The following RACK1 variants were observed in gnomAD, a reference collection of about 807,000 sequenced individuals.
RACK1 encodes small ribosomal subunit protein RACK1.
RACK1 carries 3 observed loss-of-function variants against 42.2 expected under a neutral mutation model. The observed-to-expected ratio is 0.07, with a 90% CI of 0.03 to 0.18. The LOEUF (loss-of-function observed/expected upper bound fraction) is 0.18. RACK1 is among the 10% of genes least tolerant of loss of function. The pLI, the probability that RACK1 is intolerant of heterozygous loss-of-function variation, is 1.00. For missense variants in RACK1, 146 were observed against 403.2 expected (o/e 0.36, Z 5.46); for synonymous variants, 181 against 154.8 (o/e 1.17, Z -1.25).
intron 1 of RACK1, chr5:181,243,282 C>A (rs769729685): frequency 1.5e-6 from 2 of 1,356,612 alleles, no homozygotes; most frequent in Non-Finnish European, 2.0e-6. Context: ...TGGAGTCCAC[C>A]TGCCTCCCCA....
chr5:181,240,702 T>TA lies in RACK1; in HGVS notation c.429+789dup, dbSNP rs200354050. 9.4e-3 allele frequency among the ~76,000 whole-genome samples: 1,350 copies of TA among 144,278 alleles called. 25 individuals are homozygous for TA. Among genetic ancestry groups the TA allele is most frequent in the African/African-American group, 0.034 (1,294 of 38,422 alleles). The allele number at this position is 144,278 out of a possible 152,430, so 94.7% of individuals were successfully genotyped here. A position where few individuals can be genotyped will look rare whatever the true frequency, so the allele number is the denominator to read the frequency against. ...CATCTCAAAAAAGAAAAAAAATAAA[T>TA]AAAATTTTGTTTAAATAGATGGGGT... On this transcript the variant is annotated intron_variant, in intron 3 of 7. Transcript: ENST00000512805.
At chr5:181,238,996 G>A in intron 5 of RACK1, 71 bp downstream of exon 5, 1 of 960,566 alleles carries the variant, frequency 1.0e-6, no homozygotes, top group Non-Finnish European at 1.7e-6. Flanking sequence ...TTTTACGTTA[G>A]AGACGCTGGC....
rs1759364654 is a variant in RACK1 at position 181,242,014 on chromosome 5, CTTAT to C, written c.281+156_281+159del. On this transcript the variant is annotated intron_variant, in intron 2 of 7. Coordinates refer to ENST00000512805, the MANE Select transcript of RACK1 (RefSeq NM_006098.5). ...CACACTCCTCAGCAATGCTGAGTAA[CTTAT>C]TTAAAGTGAGGGAGGCCAAACATCT... is the stretch of plus-strand genomic sequence containing the variant. The C allele has an allele frequency of 7.5e-6, 6 of 796,006 alleles. No individual in the cohort carries two copies. In the Admixed American group the frequency reaches 8.9e-5, roughly 12 times the overall value. 49.3% of individuals were successfully genotyped at this position (796,006 alleles called of 1,614,324 possible).
chr5:181,242,149 C>T, intron 2 of RACK1, 25 bp downstream of exon 2: 1 of 1,599,346 alleles, frequency 6.3e-7, no homozygotes, highest in East Asian at 2.2e-5. Context: ...CCCAAGGCCC[C>T]AGAGCTAAGT....
At chr5:181,241,827 T>C (rs1269377094) in intron 2 of RACK1, 188 bp from the exon 3 acceptor site, 2 of 791,726 alleles carry the variant, frequency 2.5e-6, no homozygotes, top group Non-Finnish European at 2.3e-6. Flanking sequence ...CCCTTCAGAA[T>C]TGCAGGACAT....
At chr5:181,242,562 C>CTTT (rs747756072) in intron 1 of RACK1, 7 of 595,284 alleles carry the variant, frequency 1.2e-5, no homozygotes, top group East Asian at 1.0e-4. Context: ...ACCCTGATAA[C>CTTT]TTTTTTTTTT....
At chr5:181,238,893 A>G (rs1010289910) in intron 5 of RACK1, 174 bp downstream of exon 5, 16 of 694,900 alleles carry the variant, frequency 2.3e-5, no homozygotes, top group Non-Finnish European at 4.2e-5. Flanking sequence ...GTATGCCTTA[A>G]CTGTCATTTG....
rs1759448546 is a variant in RACK1, at chr5:181,243,812, G to C, written c.-12C>G. 1 of 1,595,630 alleles carries C rather than the reference G, an allele frequency of 6.3e-7. No homozygotes were observed. The highest frequency in any genetic ancestry group is 8.5e-7 in the Non-Finnish European group (1 of 1,171,176). ...ATCTGCTCAGTCATGGCGGCGGCGA[G>C]AGCGTGTGTCGCTGCAGCGACGAGG... On this transcript the variant is annotated 5_prime_UTR_variant, in exon 1 of 8. Transcript: ENST00000512805.
At chr5:181,239,729 A>C in intron 3 of RACK1, 147 bp from the exon 4 acceptor site, 1 of 573,602 alleles carries the variant, frequency 1.7e-6, no homozygotes, top group Non-Finnish European at 3.1e-6. Context: ...GAATCCCTTT[A>C]GATTCCAGAC....
chr5:181,242,698 C>G, intron 1 of RACK1: 1 of 362,070 alleles, frequency 2.8e-6, no homozygotes, highest in Non-Finnish European at 5.4e-6. Context: ...GCTGGGATTA[C>G]TTGGCCAGCT....
intron 6 of RACK1, 24 bp from the exon 7 acceptor site, chr5:181,237,743 CT>C (rs748720438): frequency 8.2e-7 from 1 of 1,213,564 alleles, no homozygotes; most frequent in Non-Finnish European, 1.2e-6. Context: ...CAAAAGCAAC[CT>C]TAAGACTTAC....
intron 1 of RACK1, 176 bp downstream of exon 1, chr5:181,243,516 G>T: frequency 7.1e-7 from 1 of 1,413,856 alleles, no homozygotes; most frequent in Non-Finnish European, 9.5e-7. Flanking sequence ...GTTCGCCCGG[G>T]TTGAGGCCTA....
At chr5:181,238,541 A>G (rs1034537563) in intron 5 of RACK1, 1 of 361,106 alleles carries the variant, frequency 2.8e-6, no homozygotes. Flanking sequence ...GCGGTGGCTC[A>G]TGCCTGTAAT....
intron 1 of RACK1, chr5:181,243,438 G>A (rs1249874630): frequency 6.6e-7 from 1 of 1,506,092 alleles, no homozygotes; most frequent in East Asian, 2.6e-5. Flanking sequence ...TATTTTAAAA[G>A]TTTCCAACTC....
At chr5:181,243,094 C>T in intron 1 of RACK1, 1 of 413,600 alleles carries the variant, frequency 2.4e-6, no homozygotes, top group Non-Finnish European at 4.4e-6. Context: ...AAACCTGTCC[C>T]ACTCAACAAA....
At position 181,242,501 on chromosome 5, in the gene RACK1, A is replaced by C. The variant is rs1040510600; in HGVS notation, c.110-156T>G. 4.4e-6 allele frequency: 3 copies of C among 676,520 alleles called. No individual in the cohort carries two copies. In the East Asian group the frequency reaches 8.1e-5, roughly 18 times the overall value. The allele number at this position is 676,520 out of a possible 1,614,324, so 41.9% of individuals were successfully genotyped here. On this transcript the variant is annotated intron_variant, in intron 1 of 7. Coordinates refer to ENST00000512805, the MANE Select transcript of RACK1 (RefSeq NM_006098.5). ...CAACAGACAAGAGCAGTTACAGACC[A>C]GGACTGAGTGGCTCTATTCCAGACT...
intron 3 of RACK1, 140 bp downstream of exon 3, chr5:181,241,352 C>G: frequency 4.2e-6 from 3 of 708,734 alleles, no homozygotes; most frequent in Non-Finnish European, 7.1e-6. Context: ...ATCCCTTGAG[C>G]CCGGGAGGCA....
intron 1 of RACK1, chr5:181,243,426 G>T (rs752032516): frequency 8.0e-6 from 12 of 1,506,422 alleles, no homozygotes; most frequent in Non-Finnish European, 7.1e-6. Flanking sequence ...GAAGGCAAAA[G>T]ATATTTTAAA....
At chr5:181,242,130 C>T in intron 2 of RACK1, 44 bp downstream of exon 2, 1 of 1,562,838 alleles carries the variant, frequency 6.4e-7, no homozygotes, top group Admixed American at 1.7e-5. Context: ...CACTTCTGCC[C>T]AGATTCTTCC....
Sources: gnomAD v4.1 joint callset for allele counts (sites outside exome capture counted in the v4.1 genomes callset) on GRCh38, gnomAD v4.1.1 for gene constraint, MANE v1.5 for transcripts, NCBI Gene and HGNC (gene_info 2026-07-23, HGNC 2026-07-21) for gene names.